The following SPOPL variants were observed in gnomAD, a reference collection of about 807,000 sequenced individuals.
SPOPL encodes the protein speckle-type POZ protein-like.
In SPOPL, 23 loss-of-function variants were observed where a neutral mutation model predicts 53.8. That is an observed-to-expected ratio of 0.43 (90% CI 0.31 to 0.61). The LOEUF (loss-of-function observed/expected upper bound fraction) is 0.61, where lower values mean the gene tolerates loss of function less well. SPOPL is among the 20% of genes least tolerant of loss of function. The pLI is 0.12. For synonymous variants in SPOPL, 164 were observed against 149.7 expected (o/e 1.10, Z -0.70); for missense variants, 442 against 466.9 (o/e 0.95, Z 0.49).
intron 1 of SPOPL, among the ~76,000 whole-genome samples, chr2:138,529,536 T>TCACGCG (rs72375808): frequency 5.1e-5 from 5 of 97,632 alleles, no homozygotes; most frequent in African/African-American, 1.8e-4. Context: ...GTGTGTGTGT[T>TCACGCG]TGCGTGCGCG....
At chr2:138,536,392 C>T (rs1300444573) in intron 1 of SPOPL, among the ~76,000 whole-genome samples, 1 of 151,894 alleles carries the variant, frequency 6.6e-6, no homozygotes, top group Non-Finnish European at 1.5e-5. Context: ...GATGTTGCAC[C>T]TCTGGGGAAG....
At chr2:138,525,663 A>AAACAAAC (rs1553468798) in intron 1 of SPOPL, among the ~76,000 whole-genome samples, 105 of 130,482 alleles carry the variant, frequency 8.0e-4, no homozygotes, top group Non-Finnish European at 1.4e-3. Flanking sequence ...GTAGAAAAAA[A>AAACAAAC]AAAAAAAAAA....
At chr2:138,564,540 AT>A (rs1436475124) in intron 8 of SPOPL, 167 bp from the exon 9 acceptor site, 6 of 693,926 alleles carry the variant, frequency 8.6e-6, no homozygotes, top group Non-Finnish European at 1.1e-5. Context: ...TTCTAAGTGC[AT>A]TTGTTTATAT....
chr2:138,541,552 T>C (rs1056192386), intron 1 of SPOPL, among the ~76,000 whole-genome samples: 1 of 152,226 alleles, frequency 6.6e-6, no homozygotes, highest in Non-Finnish European at 1.5e-5. Context: ...TAGTCTCTGA[T>C]GGTAGTTTGT....
At chr2:138,544,648 T>C (rs1375849229) in intron 1 of SPOPL, among the ~76,000 whole-genome samples, 1 of 152,186 alleles carries the variant, frequency 6.6e-6, no homozygotes, top group Non-Finnish European at 1.5e-5. Flanking sequence ...TTTCTTTGAC[T>C]AGGAAAGGGA....
intron 1 of SPOPL, among the ~76,000 whole-genome samples, chr2:138,513,915 T>C (rs1191947728): frequency 6.6e-6 from 1 of 152,212 alleles, no homozygotes; most frequent in Non-Finnish European, 1.5e-5. Context: ...GATTTTATTA[T>C]ACACTTCAGG....
chr2:138,525,907 A>G (rs1042966834), intron 1 of SPOPL, among the ~76,000 whole-genome samples: 3 of 151,578 alleles, frequency 2.0e-5, no homozygotes, highest in African/African-American at 4.8e-5. Flanking sequence ...ATAGGGTATC[A>G]TCCATTCTCA....
At chr2:138,554,027 G>A in intron 5 of SPOPL, among the ~76,000 whole-genome samples, 1 of 146,164 alleles carries the variant, frequency 6.8e-6, no homozygotes, top group Middle Eastern at 3.9e-3. Context: ...AAAATGACCA[G>A]CTAAAATAGT....
Position 138,560,873 on chromosome 2 carries a change from G to A in SPOPL, c.783G>A (p.Gly261=), listed in dbSNP as rs772064165. The A allele has an allele frequency of 1.2e-6, 2 of 1,611,324 alleles. No individual in the cohort carries two copies. Among genetic ancestry groups the A allele is most frequent in the Non-Finnish European group, 1.7e-6 (2 of 1,179,156 alleles). Residue 261 remains glycine, a synonymous_variant, in exon 8 of 11, where the codon GGG becomes GGA. Coordinates refer to ENST00000280098, the MANE Select transcript of SPOPL (RefSeq NM_001001664.3). ...AAATGATGAGATTCATTTACACAGGGAGAGCACCAAACCTTGACAAAATGG... is the reference window on the plus strand; with the variant it reads ...AAATGATGAGATTCATTTACACAGGAAGAGCACCAAACCTTGACAAAATGG... The part of the protein sequence containing the change: ...FKEMMRFIYT[G]RAPNLDKMAD...
chr2:138,544,563 G>A (rs970022439), intron 1 of SPOPL, among the ~76,000 whole-genome samples: 3 of 152,284 alleles, frequency 2.0e-5, no homozygotes, highest in South Asian at 2.1e-4. Context: ...CTGGTGTGCC[G>A]TTTGCTAAGA....
rs1310052708 is a variant in SPOPL at position 138,550,280 on chromosome 2, T to C, written c.64T>C (p.Trp22Arg). 6.2e-7 allele frequency: 1 copy of C among 1,613,680 alleles called. No homozygotes were observed. Among genetic ancestry groups the C allele is most frequent in the Admixed American group, 1.7e-5 (1 of 59,968 alleles). The change falls in exon 2 of 11, where the codon TGG becomes CGG. Residue 22 changes from tryptophan to arginine, a missense_variant. Coordinates refer to ENST00000280098, the MANE Select transcript of SPOPL (RefSeq NM_001001664.3). ...GTCTACTGGTCCCATAGCAGAAAGC[T>C]GGTGTTACACACAGGTACATGCTCT... ...DMSTGPIAES[W>R]CYTQVKVVKF... is the part of the protein sequence containing the mutation.
chr2:138,554,509 C>G (rs1264552609), intron 5 of SPOPL: 13 of 1,289,520 alleles, frequency 1.0e-5, no homozygotes, highest in Admixed American at 2.3e-5. Flanking sequence ...CCTCCTCCCC[C>G]TCCCCTGCAA....
chr2:138,557,405 G>T (rs1685450396), intron 5 of SPOPL, among the ~76,000 whole-genome samples: 2 of 152,140 alleles, frequency 1.3e-5, no homozygotes, highest in African/African-American at 4.8e-5. Flanking sequence ...TTTTTCTTTA[G>T]AAGTGTGTAT....
chr2:138,515,617 C>A (rs1422915563), intron 1 of SPOPL, among the ~76,000 whole-genome samples: 1 of 152,112 alleles, frequency 6.6e-6, no homozygotes. Context: ...CCCTTGAATC[C>A]TTTTCAGTGT....
intron 1 of SPOPL, among the ~76,000 whole-genome samples, chr2:138,539,597 GTTTGT>G (rs1685020200): frequency 2.1e-5 from 1 of 48,742 alleles, no homozygotes; most frequent in Non-Finnish European, 1.3e-4. Flanking sequence ...TGATGGGGTT[GTTTGT>G]TTTTTTCTTG....
chr2:138,538,157 C>T (rs189231302), intron 1 of SPOPL, among the ~76,000 whole-genome samples: 12 of 152,270 alleles, frequency 7.9e-5, no homozygotes, highest in African/African-American at 2.9e-4. Context: ...TCCTTGAGAA[C>T]ATTCCATATG....
At chr2:138,563,233 G>T (rs556491440) in intron 8 of SPOPL, among the ~76,000 whole-genome samples, 1 of 152,090 alleles carries the variant, frequency 6.6e-6, no homozygotes, top group Non-Finnish European at 1.5e-5. Context: ...ATCCCAACAC[G>T]TTAGGAGGCC....
intron 7 of SPOPL, 103 bp from the exon 8 acceptor site, chr2:138,560,702 A>C (rs1205646566): frequency 1.6e-6 from 2 of 1,243,974 alleles, no homozygotes; most frequent in African/African-American, 1.5e-5. Context: ...ACACTATTTT[A>C]GTGTAGATTT....
intron 1 of SPOPL, among the ~76,000 whole-genome samples, chr2:138,540,986 A>G (rs1430195547): frequency 1.3e-5 from 2 of 152,192 alleles, no homozygotes; most frequent in African/African-American, 2.4e-5. Flanking sequence ...CCTTTTCTGC[A>G]TCTATTGAGA....
Sources: allele counts gnomAD v4.1 joint callset (sites outside exome capture counted in the v4.1 genomes callset), GRCh38; gene constraint gnomAD v4.1.1; transcripts MANE v1.5; gene names NCBI Gene and HGNC (gene_info 2026-07-23, HGNC 2026-07-21).